WDFY4: variants seen among roughly 807,000 people sequenced by gnomAD.
WDFY4 encodes WDFY family member 4, also known as WD repeat- and FYVE domain-containing protein 4.
In WDFY4, 169 loss-of-function variants were observed where a neutral mutation model predicts 351.9. That is an observed-to-expected ratio of 0.48 (90% CI 0.42 to 0.55). The LOEUF (loss-of-function observed/expected upper bound fraction) is 0.55. Among genes scored for constraint, WDFY4 ranks in the 20% least tolerant of loss-of-function variants. The pLI is 0.00. For missense variants in WDFY4, 3,803 were observed against 3,935.6 expected, an observed-to-expected ratio of 0.97 and a Z score of 0.90; for synonymous variants, 1,622 against 1,574.6, an observed-to-expected ratio of 1.03 and a Z score of -0.71.
At chr10:48,952,820 C>T (rs940050750) in intron 51 of WDFY4, among the ~76,000 whole-genome samples, 3 of 152,230 alleles carry the variant, frequency 2.0e-5, no homozygotes, top group African/African-American at 7.2e-5. Flanking sequence ...GCAGCTGGAC[C>T]AGTGCGTGGG....
intron 19 of WDFY4, 108 bp downstream of exon 19, chr10:48,780,227 T>C: frequency 7.3e-7 from 1 of 1,361,088 alleles, no homozygotes; most frequent in Non-Finnish European, 1.0e-6. Context: ...TGTTTGTTTG[T>C]TTATTACTGG....
chr10:48,962,219 G>A (rs994558419), intron 53 of WDFY4, among the ~76,000 whole-genome samples: 1 of 152,158 alleles, frequency 6.6e-6, no homozygotes, highest in African/African-American at 2.4e-5. Flanking sequence ...CCCAAGCCAG[G>A]TGGTAGGCTT....
chr10:48,957,879 G>A (rs1841677079), intron 52 of WDFY4, among the ~76,000 whole-genome samples: 1 of 152,194 alleles, frequency 6.6e-6, no homozygotes. Flanking sequence ...CCTGGGGACT[G>A]TTTGTATGTC....
At chr10:48,850,810 G>A (rs74948066) in intron 39 of WDFY4, among the ~76,000 whole-genome samples, 2,432 of 152,274 alleles carry the variant, frequency 0.016, 69 homozygotes, top group African/African-American at 0.053. Flanking sequence ...CTGCTGTCAA[G>A]CTTCTGCACA....
At chr10:48,788,201 G>A (rs1221822667) in intron 20 of WDFY4, among the ~76,000 whole-genome samples, 1 of 151,244 alleles carries the variant, frequency 6.6e-6, no homozygotes, top group African/African-American at 2.4e-5. Context: ...CTGATTTTTT[G>A]TACTTTTAGT....
intron 39 of WDFY4, among the ~76,000 whole-genome samples, chr10:48,860,357 G>A (rs748235066): frequency 7.9e-5 from 12 of 152,320 alleles, no homozygotes; most frequent in South Asian, 2.1e-4. Flanking sequence ...TGGGAAGTCC[G>A]AGAGCTAGGT....
intron 47 of WDFY4, among the ~76,000 whole-genome samples, chr10:48,935,775 G>A (rs1431767439): frequency 1.3e-5 from 2 of 152,172 alleles, no homozygotes; most frequent in Admixed American, 1.3e-4. Context: ...AAATGCTGAT[G>A]TGTAGTTTCT....
chr10:48,970,429 C>T (rs1842288904), intron 57 of WDFY4, 140 bp downstream of exon 57: 1 of 1,219,966 alleles, frequency 8.2e-7, no homozygotes, highest in Non-Finnish European at 1.1e-6. Context: ...GCCCTGCCAC[C>T]CTCAGAAGCT....
At chr10:48,961,091 A>G (rs1406594703) in intron 53 of WDFY4, among the ~76,000 whole-genome samples, 1 of 152,246 alleles carries the variant, frequency 6.6e-6, no homozygotes, top group African/African-American at 2.4e-5. Flanking sequence ...ACACCTAAAA[A>G]GTAAAAATAA....
In WDFY4 at chr10:48,933,774, G is replaced by A. The variant is rs150819672; in HGVS notation, c.7587-8032G>A. Among the ~76,000 whole-genome samples the A allele has an allele frequency of 6.4e-3, 980 of 152,254 alleles. 10 individuals carry two copies. Among genetic ancestry groups the A allele is most frequent in the Non-Finnish European group, 0.011 (782 of 68,018 alleles). On this transcript the variant is annotated intron_variant, in intron 47 of 61. Transcript: ENST00000325239. ...GGCTGGCAACAGAGTAGACATGGGC[G>A]TGGTTCAATTGCACACCTTGTGTTC...
At chr10:48,938,469 C>T (rs1002928332) in intron 47 of WDFY4, among the ~76,000 whole-genome samples, 96 of 152,264 alleles carry the variant, frequency 6.3e-4, no homozygotes, top group Non-Finnish European at 2.4e-4. Context: ...CAGCCACAGG[C>T]TGCTCTGCCA....
intron 47 of WDFY4, among the ~76,000 whole-genome samples, chr10:48,929,530 C>T (rs1456474798): frequency 6.6e-6 from 1 of 152,178 alleles, no homozygotes; most frequent in Non-Finnish European, 1.5e-5. Flanking sequence ...ATGGCCAAGC[C>T]CCTTGCTCCT....
In WDFY4 at chr10:48,825,315, T is replaced by G. The variant is rs148483628; in HGVS notation, c.5983-1356T>G. Among the ~76,000 whole-genome samples, 1,033 of 152,360 alleles carry G rather than the reference T, an allele frequency of 6.8e-3. 14 individuals carry two copies. Among genetic ancestry groups the G allele is most frequent in the African/African-American group, 0.023 (962 of 41,576 alleles). On this transcript the variant is annotated intron_variant, in intron 35 of 61. Transcript: ENST00000325239. Reference sequence around the variant, plus strand: ...TCATTCCTTTTTATGGCTCATAGTATTCCATGGTATATATACACCATATTT... The same window carrying G: ...TCATTCCTTTTTATGGCTCATAGTAGTCCATGGTATATATACACCATATTT...
At chr10:48,899,945 C>T (rs1227968782) in intron 45 of WDFY4, among the ~76,000 whole-genome samples, 2 of 152,182 alleles carry the variant, frequency 1.3e-5, no homozygotes, top group African/African-American at 2.4e-5. Context: ...TGCTTTCTCT[C>T]GTGTCTGCTT....
chr10:48,844,066 G>C (rs542710158), intron 39 of WDFY4, among the ~76,000 whole-genome samples: 13 of 152,204 alleles, frequency 8.5e-5, no homozygotes, highest in Non-Finnish European at 1.5e-5. Flanking sequence ...GCCGCCTGGC[G>C]CCTGCCGCCT....
intron 12 of WDFY4, among the ~76,000 whole-genome samples, chr10:48,751,943 A>T (rs1669011683): frequency 1.3e-5 from 2 of 152,150 alleles, no homozygotes; most frequent in African/African-American, 4.8e-5. Context: ...TTCAAATGAG[A>T]TGCAAAATTT....
At chr10:48,789,227 A>G (rs2928391) in intron 21 of WDFY4, among the ~76,000 whole-genome samples, 45,836 of 152,060 alleles carry the variant, frequency 0.3, 7,843 homozygotes, top group East Asian at 0.7. Flanking sequence ...AATTTTCAAA[A>G]CAACAAGGAG....
At chr10:48,897,371 G>A (rs1028799500) in intron 44 of WDFY4, 83 bp from the exon 45 acceptor site, 2 of 1,504,314 alleles carry the variant, frequency 1.3e-6, no homozygotes, top group Non-Finnish European at 1.8e-6. Context: ...TGGAGCTGGT[G>A]GAGGGCAGGA....
intron 1 of WDFY4, among the ~76,000 whole-genome samples, chr10:48,687,568 T>C (rs1173361580): frequency 6.6e-6 from 1 of 151,824 alleles, no homozygotes; most frequent in Non-Finnish European, 1.5e-5. Flanking sequence ...TTTTCCCATA[T>C]GGATAACCAA....
Sources: allele counts gnomAD v4.1 joint callset (sites outside exome capture counted in the v4.1 genomes callset), GRCh38; gene constraint gnomAD v4.1.1; transcripts MANE v1.5; gene names NCBI Gene and HGNC (gene_info 2026-07-23, HGNC 2026-07-21).